ZGRF1: variants seen among roughly 807,000 people sequenced by gnomAD.
ZGRF1 encodes zinc finger GRF-type containing 1, also known as 5'-3' DNA helicase ZGRF1.
A neutral mutation model predicts 203.5 loss-of-function variants in ZGRF1; 196 were observed. That is an observed-to-expected ratio of 0.96 (90% confidence interval 0.86 to 1.08). The LOEUF (loss-of-function observed/expected upper bound fraction) is 1.08. Ranked by LOEUF, ZGRF1 falls within the 50% of genes least tolerant of loss-of-function variation. ZGRF1 has a pLI of 0.00. For synonymous variants in ZGRF1, 809 were observed against 841.3 expected (o/e 0.96, Z 0.66); for missense variants, 2,326 against 2,416.3 (o/e 0.96, Z 0.78).
intron 11 of ZGRF1, among the ~76,000 whole-genome samples, chr4:112,589,333 G>A (rs1747754627): frequency 6.6e-6 from 1 of 152,104 alleles, no homozygotes; most frequent in African/African-American, 2.4e-5. Context: ...AGCAAAAAGA[G>A]ACACTAAAAG....
At chr4:112,601,071 C>A (rs532170754) in intron 10 of ZGRF1, among the ~76,000 whole-genome samples, 7 of 151,182 alleles carry the variant, frequency 4.6e-5, no homozygotes, top group Non-Finnish European at 8.8e-5. Context: ...CCACTGCACT[C>A]CAGCCTGGGC....
intron 8 of ZGRF1, among the ~76,000 whole-genome samples, chr4:112,606,427 C>T (rs906996964): frequency 6.6e-6 from 1 of 152,046 alleles, no homozygotes; most frequent in Non-Finnish European, 1.5e-5. Flanking sequence ...TTTGGGAGGA[C>T]GAGGCAGGCA....
In ZGRF1 at chr4:112,564,929, T is replaced by C. The variant is rs1392552661; in HGVS notation, c.4439-1655A>G. Reference sequence around the variant, plus strand: ...GTCGCTCTCCAACGCCAGCGCCGCCTGTCGCTGACCAAGCTCCAGCCGAAG... The same window carrying C: ...GTCGCTCTCCAACGCCAGCGCCGCCCGTCGCTGACCAAGCTCCAGCCGAAG... On this transcript the variant is annotated intron_variant, in intron 16 of 27. Transcript: ENST00000505019. The C allele has an allele frequency of 2.0e-5, 15 of 737,156 alleles. No individual in the cohort carries two copies. In the Admixed American group the frequency reaches 3.1e-4, roughly 15 times the overall value. The allele number at this position is 737,156 out of a possible 1,614,324, so 45.7% of individuals were successfully genotyped here.
rs539423200 is a variant in ZGRF1, at chr4:112,579,936, T to C, written c.4438+1727A>G. 4.9e-5 allele frequency among the ~76,000 whole-genome samples: 6 copies of C among 123,004 alleles called. 1 individual carries two copies. The East Asian group carries it at 9.6e-4, about 20-fold the overall frequency. The allele number at this position is 123,004 out of a possible 152,430, so 80.7% of individuals were successfully genotyped here. Reference sequence around the variant, plus strand: ...GGAAAAAACTACTTTGAAGTTCACATGGAACCAAAAAAGAGCCCACATTGC... The same window carrying C: ...GGAAAAAACTACTTTGAAGTTCACACGGAACCAAAAAAGAGCCCACATTGC... On this transcript the variant is annotated intron_variant, in intron 16 of 27. Transcript: ENST00000505019.
chr4:112,573,357 G>C (rs1046704455), intron 16 of ZGRF1, among the ~76,000 whole-genome samples: 1 of 152,008 alleles, frequency 6.6e-6, no homozygotes, highest in Non-Finnish European at 1.5e-5. Context: ...AGTTATGAGG[G>C]TACAAAGGCA....
intron 8 of ZGRF1, among the ~76,000 whole-genome samples, chr4:112,608,973 A>G (rs1024911385): frequency 6.6e-6 from 1 of 152,192 alleles, no homozygotes; most frequent in African/African-American, 2.4e-5. Context: ...GATTTCAAAA[A>G]CTGACAATAT....
chr4:112,587,531 C>A lies in ZGRF1; in HGVS notation c.3526G>T (p.Val1176Phe), dbSNP rs1358257671. ...GTGTCTCTAAAATGCATCCCAGAAA[C>A]AGCCTCAGCAAAGAAGCCATCAGTT... Reference protein sequence around the residue: ...RITDGFFAEAVSGMHFRDTSE... With the variant: ...RITDGFFAEAFSGMHFRDTSE... The change falls in exon 12 of 28, where the codon GTT (valine) becomes TTT (phenylalanine). Residue 1176 changes from valine to phenylalanine, a missense_variant. Val to Phe is a conservative substitution (Grantham distance 50). Transcript: ENST00000505019. 6.8e-6 allele frequency: 11 copies of A among 1,613,936 alleles called. No individual in the cohort carries two copies. The highest frequency in any genetic ancestry group is 9.3e-6 in the Non-Finnish European group (11 of 1,179,852).
chr4:112,620,772 G>C (rs1022165558), intron 4 of ZGRF1, among the ~76,000 whole-genome samples: 1 of 151,388 alleles, frequency 6.6e-6, no homozygotes, highest in Non-Finnish European at 1.5e-5. Context: ...AATGAGGTGG[G>C]AGGATGATTT....
chr4:112,540,032 CT>C lies in ZGRF1; in HGVS notation c.6002del (p.Lys2001ArgfsTer9). On this transcript the variant is annotated frameshift_variant, in exon 27 of 28. Transcript: ENST00000505019. LOFTEE classifies it high-confidence loss of function. Reference protein sequence around the residue: ...STVDAFQGAEKEIIILSCVRT... With the variant: ...STVDAFQGAEXEIIILSCVRT... ...TTACACAGGACAGAATAATGATCTCCTTTTCAGCTCCCTGAAAAGCATCTAC... is the reference window on the plus strand; with the variant it reads ...TTACACAGGACAGAATAATGATCTCCTTTCAGCTCCCTGAAAAGCATCTAC... 4 of 1,611,712 alleles carry C rather than the reference CT, an allele frequency of 2.5e-6. No individual in the cohort carries two copies. The highest frequency in any genetic ancestry group is 3.4e-6 in the Non-Finnish European group (4 of 1,178,596).
At position 112,541,205 on chromosome 4, in the gene ZGRF1, T is replaced by C; in HGVS notation, c.5662A>G (p.Asn1888Asp). 6.2e-7 allele frequency: 1 copy of C among 1,612,256 alleles called. No individual in the cohort carries two copies. Among genetic ancestry groups the C allele is most frequent in the Non-Finnish European group, 8.5e-7 (1 of 1,178,638 alleles). Residue 1888 changes from asparagine (N) to aspartate (D), a missense_variant, in exon 25 of 28, where the codon AAT becomes GAT. Physicochemically the swap from Asn to Asp is conservative, Grantham distance 23. Transcript: ENST00000505019. Reference sequence around the variant, plus strand: ...AGGGCTCCTTTGTAAAACAGATCATTAGCAATAGCACTGATTGCAGGATGA... The same window carrying C: ...AGGGCTCCTTTGTAAAACAGATCATCAGCAATAGCACTGATTGCAGGATGA... ...RCHPAISAIA[N>D]DLFYKGALMN...
At chr4:112,604,223 CAAAA>C (rs35629278) in intron 9 of ZGRF1, among the ~76,000 whole-genome samples, 1 of 138,066 alleles carries the variant, frequency 7.2e-6, no homozygotes, top group Non-Finnish European at 1.6e-5. Flanking sequence ...GATTCCATCT[CAAAA>C]AAAAAAAAGT....
chr4:112,601,102 CAAAA>C (rs111982841), intron 10 of ZGRF1, among the ~76,000 whole-genome samples: 1 of 120,514 alleles, frequency 8.3e-6, no homozygotes, highest in African/African-American at 3.1e-5. Flanking sequence ...GACTCCATCT[CAAAA>C]AAAAAAAAAA....
rs751426322 is a variant in ZGRF1, at chr4:112,619,190, T to C, written c.852A>G (p.Gln284=). 1 of 1,613,418 alleles carries C rather than the reference T, an allele frequency of 6.2e-7. No individual in the cohort carries two copies. The highest frequency in any genetic ancestry group is 8.5e-7 in the Non-Finnish European group (1 of 1,179,970). The change falls in exon 6 of 28, where the codon CAA becomes CAG. Residue 284 remains glutamine (Q), a synonymous_variant. Transcript: ENST00000505019. ...GTTTAGTAGCAATTTTTAAACTTCC[T>C]TGTGGTTGTTTTTGAGGAAAATGCT... ...MTEHFPQKQP[Q]GSLKIATKPK...
rs775484301 is a variant in ZGRF1, at chr4:112,562,386, T to C, written c.4682A>G (p.Gln1561Arg). The change falls in exon 18 of 28, where the codon CAG (glutamine) becomes CGG (arginine). Residue 1561 changes from glutamine to arginine, a missense_variant. Transcript: ENST00000505019. ...YFNPATLPLT[Q>R]YLLTTSSPTI... is the part of the protein sequence containing the mutation. ...AATGACTTACGTTGTTAACAGGTAC[T>C]GTGTTAGAGGTAGAGTAGCTGGATT... The C allele has an allele frequency of 6.3e-7, 1 of 1,597,736 alleles. No individual in the cohort carries two copies. The highest frequency in any genetic ancestry group is 8.6e-7 in the Non-Finnish European group (1 of 1,167,528).
chr4:112,556,872 C>G (rs1026040135), intron 20 of ZGRF1, among the ~76,000 whole-genome samples: 52 of 152,230 alleles, frequency 3.4e-4, no homozygotes, highest in African/African-American at 1.1e-3. Flanking sequence ...AAAGCTTACG[C>G]TTAGAAATAA....
chr4:112,604,541 A>G (rs1466566370), intron 9 of ZGRF1, among the ~76,000 whole-genome samples: 1 of 152,210 alleles, frequency 6.6e-6, no homozygotes, highest in Non-Finnish European at 1.5e-5. Flanking sequence ...CAATAAATAA[A>G]CAGCCAGTAA....
chr4:112,540,022 T>C lies in ZGRF1; in HGVS notation c.6013A>G (p.Ile2005Val), dbSNP rs1444921440. 1 of 1,612,820 alleles carries C rather than the reference T, an allele frequency of 6.2e-7. No individual in the cohort carries two copies. Among genetic ancestry groups the C allele is most frequent in the Non-Finnish European group, 8.5e-7 (1 of 1,179,280 alleles). Residue 2005 changes from isoleucine to valine, a missense_variant, in exon 27 of 28, where the codon ATT (isoleucine) becomes GTT (valine). By Grantham distance (29) the Ile-to-Val change is conservative (BLOSUM62 3). Coordinates refer to ENST00000505019, the MANE Select transcript of ZGRF1 (RefSeq NM_018392.5). The part of the protein sequence containing the change: ...AFQGAEKEII[I>V]LSCVRTRQVG... ...TGTCTTGTCCTTACACAGGACAGAATAATGATCTCCTTTTCAGCTCCCTGA... is the reference window on the plus strand; with the variant it reads ...TGTCTTGTCCTTACACAGGACAGAACAATGATCTCCTTTTCAGCTCCCTGA...
At chr4:112,622,234 C>T (rs921191838) in intron 4 of ZGRF1, among the ~76,000 whole-genome samples, 5 of 151,710 alleles carry the variant, frequency 3.3e-5, no homozygotes, top group African/African-American at 9.7e-5. Context: ...AATCACTGTA[C>T]TAGACTATGT....
chr4:112,585,769 A>G, intron 13 of ZGRF1, 44 bp from the exon 14 acceptor site: 1 of 1,455,346 alleles, frequency 6.9e-7, no homozygotes, highest in Non-Finnish European at 9.2e-7. Context: ...AATACAAAAT[A>G]ATTTTGTTTG....
Sources: allele counts gnomAD v4.1 joint callset (sites outside exome capture counted in the v4.1 genomes callset), GRCh38; gene constraint gnomAD v4.1.1; transcripts MANE v1.5; gene names NCBI Gene and HGNC (gene_info 2026-07-23, HGNC 2026-07-21).